CSF2RA: variants seen among roughly 807,000 people sequenced by gnomAD.
CSF2RA encodes the protein granulocyte-macrophage colony-stimulating factor receptor subunit alpha.
CSF2RA carries 42 observed loss-of-function variants against 51.6 expected under a neutral mutation model. The observed-to-expected ratio is 0.81, with a 90% confidence interval of 0.64 to 1.05. The LOEUF is 1.05. CSF2RA is among the 50% of genes least tolerant of loss of function. The pLI is 0.00. For synonymous variants in CSF2RA, 222 were observed against 193.0 expected (o/e 1.15, Z -1.24); for missense variants, 530 against 501.1 (o/e 1.06, Z -0.55).
At chrX:1,314,305 G>GCCTAACCGCAC (rs1569514753), downstream of CSF2RA, among the ~76,000 whole-genome samples, 6 of 111,922 alleles carry the variant, frequency 5.4e-5, 1 homozygote, top group African/African-American at 1.5e-4. Flanking sequence ...CAACCACTCT[G>GCCTAACCGCAC]TGCCTGCCCA....
intron 9 of CSF2RA, among the ~76,000 whole-genome samples, chrX:1,295,969 G>A (rs190567239): frequency 7.3e-5 from 11 of 150,494 alleles, no homozygotes; most frequent in African/African-American, 2.2e-4. Context: ...TAACTCTACA[G>A]TCCCCTACTC....
chrX:1,323,803 A>G, the CSF2RA span, among the ~76,000 whole-genome samples: 1 of 151,434 alleles, frequency 6.6e-6, no homozygotes, highest in Non-Finnish European at 1.5e-5. Context: ...TCATGAGGTC[A>G]GGAGATCGAA....
chrX:1,293,237 CAG>C (rs1174872460), intron 7 of CSF2RA, among the ~76,000 whole-genome samples: 1 of 151,650 alleles, frequency 6.6e-6, no homozygotes, highest in Non-Finnish European at 1.5e-5. Context: ...TTTTCTGAGA[CAG>C]AGTCTCACTC....
rs1356201674 is a variant in CSF2RA, at chrX:1,274,788, C to A, written c.-57C>A. 2.0e-5 allele frequency: 9 copies of A among 453,370 alleles called. No homozygotes were observed. Among genetic ancestry groups the A allele is most frequent in the Admixed American group, 7.1e-5 (3 of 42,418 alleles). The allele number at this position is 453,370 out of a possible 1,614,324, so 28.1% of individuals were successfully genotyped here. A position where few individuals can be genotyped will look rare whatever the true frequency, so the allele number is the denominator to read the frequency against. The stretch of plus-strand genomic sequence containing the variant: ...AGGAAAATCCGTGGAGACAGCAGAT[C>A]CGAGAAGCGGCGATGTTTGCGTAGA... On this transcript the variant is annotated 5_prime_UTR_variant, in exon 2 of 13. Coordinates refer to ENST00000381529, the MANE Select transcript of CSF2RA (RefSeq NM_172245.4).
At chrX:1,301,595 CTTTTTTTTTT>C (rs777108928) in intron 10 of CSF2RA, among the ~76,000 whole-genome samples, 2 of 105,800 alleles carry the variant, frequency 1.9e-5, no homozygotes, top group African/African-American at 6.9e-5. Flanking sequence ...CTCTTTTTTT[CTTTTTTTTTT>C]TTTTTTTTTT....
the CSF2RA span, among the ~76,000 whole-genome samples, chrX:1,318,462 C>T: frequency 6.6e-6 from 1 of 151,738 alleles, no homozygotes; most frequent in East Asian, 2.0e-4. Context: ...TGCGCCAGGC[C>T]GAAGCTGAAC....
intron 5 of CSF2RA, 22 bp from the exon 6 acceptor site, chrX:1,288,737 T>C (rs766019174): frequency 3.5e-5 from 57 of 1,613,804 alleles, no homozygotes; most frequent in Non-Finnish European, 4.5e-5. Context: ...GTGAAAATTA[T>C]TTTGTTTCTA....
At chrX:1,287,970 CAA>C (rs1223152888) in intron 4 of CSF2RA, among the ~76,000 whole-genome samples, 147 of 149,756 alleles carry the variant, frequency 9.8e-4, no homozygotes, top group African/African-American at 3.5e-3. Context: ...CTCCTGACCT[CAA>C]GTGATCCACC....
chrX:1,313,421 G>A (rs760220980), downstream of CSF2RA, among the ~76,000 whole-genome samples: 18 of 151,626 alleles, frequency 1.2e-4, no homozygotes, highest in African/African-American at 3.9e-4. Flanking sequence ...GTGACAGAGA[G>A]GAGCTGTGGT....
intron 8 of CSF2RA, among the ~76,000 whole-genome samples, chrX:1,294,905 A>C (rs760491192): frequency 4.6e-5 from 7 of 152,314 alleles, no homozygotes; most frequent in African/African-American, 1.7e-4. Flanking sequence ...ATGGAGACCC[A>C]GTGTAGACAG....
At chrX:1,273,718 C>A (rs767475139) in intron 1 of CSF2RA, among the ~76,000 whole-genome samples, 1 of 149,136 alleles carries the variant, frequency 6.7e-6, no homozygotes, top group Non-Finnish European at 1.5e-5. Context: ...GTAGCTGGGA[C>A]TACAGGCGCC....
intron 2 of CSF2RA, among the ~76,000 whole-genome samples, chrX:1,280,309 T>C (rs776772050): frequency 1.3e-5 from 2 of 151,850 alleles, no homozygotes; most frequent in South Asian, 4.2e-4. Context: ...GCGTCTCTAC[T>C]AAAAATGCAA....
At chrX:1,314,516 A>G (rs1247931569), downstream of CSF2RA, among the ~76,000 whole-genome samples, 82 of 106,970 alleles carry the variant, frequency 7.7e-4, 2 homozygotes, top group East Asian at 2.1e-3. Flanking sequence ...ACCGCACTGC[A>G]CCTGCCCAAT....
chrX:1,321,455 T>C, the CSF2RA span, among the ~76,000 whole-genome samples: 8 of 148,512 alleles, frequency 5.4e-5, no homozygotes, highest in Admixed American at 1.4e-4. Context: ...GGTGACAGAG[T>C]GAGACTCCAT....
intron 9 of CSF2RA, among the ~76,000 whole-genome samples, chrX:1,296,131 C>G (rs1400869362): frequency 6.7e-6 from 1 of 149,732 alleles, no homozygotes; most frequent in Non-Finnish European, 1.5e-5. Flanking sequence ...ACCTACAGTC[C>G]CCTACCCATG....
At chrX:1,293,241 G>C (rs28679655) in intron 7 of CSF2RA, among the ~76,000 whole-genome samples, 34,592 of 151,894 alleles carry the variant, frequency 0.23, 4,660 homozygotes, top group African/African-American at 0.38. Flanking sequence ...CTGAGACAGA[G>C]TCTCACTCTG....
chrX:1,281,420 TCTC>T (rs1438078436), intron 2 of CSF2RA, among the ~76,000 whole-genome samples: 2 of 80,692 alleles, frequency 2.5e-5, no homozygotes, highest in Non-Finnish European at 4.9e-5. Context: ...TACTCCTCCT[TCTC>T]CTCCTCCTTC....
chrX:1,305,378 G>C (rs1222843449), intron 11 of CSF2RA, 68 bp from the exon 12 acceptor site: 32 of 1,556,064 alleles, frequency 2.1e-5, no homozygotes, highest in Non-Finnish European at 2.8e-5. Flanking sequence ...CCTCGGCACA[G>C]GGCGTTGATG....
chrX:1,313,464 A>G (rs1348433322), downstream of CSF2RA, among the ~76,000 whole-genome samples: 6 of 144,082 alleles, frequency 4.2e-5, no homozygotes, highest in Admixed American at 4.2e-4. Flanking sequence ...GAATCCCAGC[A>G]CTTTGCAAGG....
Sources: gnomAD v4.1 joint callset for allele counts (sites outside exome capture counted in the v4.1 genomes callset) on GRCh38, gnomAD v4.1.1 for gene constraint, MANE v1.5 for transcripts, NCBI Gene and HGNC (gene_info 2026-07-23, HGNC 2026-07-21) for gene names.